HADHB: variants seen among roughly 807,000 people sequenced by gnomAD.
HADHB encodes hydroxyacyl-CoA dehydrogenase trifunctional multienzyme complex subunit beta.
HADHB carries 50 observed loss-of-function variants against 61.9 expected under a neutral mutation model. That is an observed-to-expected ratio of 0.81 (90% CI 0.64 to 1.02). The LOEUF (loss-of-function observed/expected upper bound fraction) is 1.02, where lower values mean the gene tolerates loss of function less well. HADHB is among the 50% of genes least tolerant of loss of function. The pLI is 0.00. For missense variants in HADHB, 504 were observed against 586.5 expected (o/e 0.86, Z 1.45); for synonymous variants, 191 against 201.6 (o/e 0.95, Z 0.45).
intron 9 of HADHB, among the ~76,000 whole-genome samples, chr2:26,279,638 A>G (rs1169424909): frequency 2.6e-5 from 4 of 152,114 alleles, no homozygotes; most frequent in Admixed American, 2.6e-4. Flanking sequence ...AAAAAAAAAA[A>G]AAAGAAAAAC....
At chr2:26,254,160 G>A in intron 1 of HADHB, 87 bp from the exon 2 acceptor site, 1 of 753,762 alleles carries the variant, frequency 1.3e-6, no homozygotes, top group Non-Finnish European at 2.4e-6. Context: ...AGTAGCCATG[G>A]ATGAGGTTAT....
At position 26,244,967 on chromosome 2, in the gene HADHB, G is replaced by C. The variant is rs1363638529; in HGVS notation, c.-32G>C. On this transcript the variant is annotated 5_prime_UTR_variant, in exon 1 of 16. Coordinates refer to ENST00000317799, the MANE Select transcript of HADHB (RefSeq NM_000183.3). ...TGGACCTGAACCTTGCTCCGAGAGGGAGTCCTCGCGGACGTCAGCCAAGGT... is the reference window on the plus strand; with the variant it reads ...TGGACCTGAACCTTGCTCCGAGAGGCAGTCCTCGCGGACGTCAGCCAAGGT... 3.5e-6 allele frequency: 1 copy of C among 289,648 alleles called. No individual in the cohort carries two copies. Among genetic ancestry groups the C allele is most frequent in the Non-Finnish European group, 6.9e-6 (1 of 145,026 alleles). 17.9% of individuals were successfully genotyped at this position (289,648 alleles called of 1,614,324 possible). A position where few individuals can be genotyped will look rare whatever the true frequency, so the allele number is the denominator to read the frequency against.
At chr2:26,263,684 T>TA (rs761912081) in intron 4 of HADHB, among the ~76,000 whole-genome samples, 6 of 152,224 alleles carry the variant, frequency 3.9e-5, no homozygotes, top group Non-Finnish European at 5.9e-5. Context: ...TGAATAAGTC[T>TA]AGCGTAGTTT....
chr2:26,288,658 G>A (rs779525331), intron 15 of HADHB, among the ~76,000 whole-genome samples: 15 of 151,992 alleles, frequency 9.9e-5, no homozygotes, highest in South Asian at 2.1e-4. Context: ...GCAGTGAGCC[G>A]TGTTCAGGCC....
Position 26,285,457 on chromosome 2 carries a change from C to T in HADHB, c.1275C>T (p.Ser425=). Residue 425 remains serine, a synonymous_variant, in exon 15 of 16, where the codon TCC becomes TCT. Transcript: ENST00000317799. ...EKFNNWGGSL[S]LGHPFGATGC... Reference sequence around the variant, plus strand: ...TTAATAACTGGGGTGGATCTCTGTCCCTGGGACACCCATTTGGAGCCACTG... The same window carrying T: ...TTAATAACTGGGGTGGATCTCTGTCTCTGGGACACCCATTTGGAGCCACTG... The T allele has an allele frequency of 6.2e-7, 1 of 1,613,470 alleles. No individual in the cohort carries two copies. The highest frequency in any genetic ancestry group is 1.1e-5 in the South Asian group (1 of 91,054).
chr2:26,246,978 CCT>C (rs1671193124), intron 1 of HADHB, among the ~76,000 whole-genome samples: 1 of 152,086 alleles, frequency 6.6e-6, no homozygotes, highest in East Asian at 1.9e-4. Flanking sequence ...GCGTGCGCGT[CCT>C]ATGTGGTTAA....
chr2:26,258,577 CA>C (rs1671732173), intron 3 of HADHB, among the ~76,000 whole-genome samples: 5 of 152,128 alleles, frequency 3.3e-5, no homozygotes, highest in Non-Finnish European at 5.9e-5. Context: ...GGGTCTGCGA[CA>C]GTGGCGAACA....
At chr2:26,245,084 C>T (rs960116242) in intron 1 of HADHB, 94 bp downstream of exon 1, 1 of 214,762 alleles carries the variant, frequency 4.7e-6, no homozygotes, top group Non-Finnish European at 9.7e-6. Context: ...CCCCGGCCCC[C>T]TCCCCTCCCT....
intron 1 of HADHB, among the ~76,000 whole-genome samples, chr2:26,247,221 C>G (rs1671201982): frequency 6.6e-6 from 1 of 152,162 alleles, no homozygotes; most frequent in Admixed American, 6.5e-5. Context: ...CAGGCTTACC[C>G]TAACCAACTC....
chr2:26,284,134 CA>C lies in HADHB; in HGVS notation c.1083del (p.Val362PhefsTer2). The stretch of plus-strand genomic sequence containing the variant: ...CTTTGCAGACCAACATATGCTACTC[CA>C]AAAGTTCTAGAAAAGGCAGGATTGA... ...QLLLGPTYAT[P>X]KVLEKAGLTM... On this transcript the variant is annotated frameshift_variant, in exon 13 of 16. Transcript: ENST00000317799. LOFTEE classifies it high-confidence loss of function. The C allele has an allele frequency of 6.3e-7, 1 of 1,591,982 alleles. No homozygotes were observed. Among genetic ancestry groups the C allele is most frequent in the Non-Finnish European group, 8.6e-7 (1 of 1,160,118 alleles).
chr2:26,257,774 C>T (rs531253845), intron 3 of HADHB, among the ~76,000 whole-genome samples: 1 of 152,030 alleles, frequency 6.6e-6, no homozygotes, highest in Non-Finnish European at 1.5e-5. Flanking sequence ...AATCCCAGCA[C>T]TTTGGGAGGC....
At chr2:26,256,955 T>C (rs1671636642) in intron 3 of HADHB, among the ~76,000 whole-genome samples, 2 of 152,168 alleles carry the variant, frequency 1.3e-5, no homozygotes, top group African/African-American at 4.8e-5. Context: ...TATGGTAGTT[T>C]TCTGCTGTGG....
intron 7 of HADHB, 72 bp downstream of exon 7, chr2:26,277,232 A>AAT: frequency 7.8e-6 from 4 of 515,440 alleles, no homozygotes; most frequent in Non-Finnish European, 9.5e-6. Context: ...ATAAAAATGT[A>AAT]CTTTTTTTTT....
chr2:26,278,257 A>T (rs984789937), intron 7 of HADHB, among the ~76,000 whole-genome samples: 21 of 152,378 alleles, frequency 1.4e-4, no homozygotes, highest in South Asian at 6.2e-4. Flanking sequence ...TTTGCAGCAG[A>T]AGTTAACATT....
intron 3 of HADHB, among the ~76,000 whole-genome samples, 166 bp from the exon 4 acceptor site, chr2:26,263,214 G>C (rs1226015392): frequency 6.6e-6 from 1 of 151,464 alleles, no homozygotes; most frequent in East Asian, 1.9e-4. Context: ...CAGGAGAATT[G>C]CTTGAATCCG....
intron 15 of HADHB, among the ~76,000 whole-genome samples, chr2:26,289,657 A>G (rs549856947): frequency 2.6e-5 from 4 of 152,218 alleles, no homozygotes; most frequent in East Asian, 3.9e-4. Context: ...ATGTGTGTGT[A>G]TATATATACA....
intron 10 of HADHB, among the ~76,000 whole-genome samples, 193 bp downstream of exon 10, chr2:26,280,308 C>A (rs191929019): frequency 6.6e-6 from 1 of 151,584 alleles, no homozygotes; most frequent in Non-Finnish European, 1.5e-5. Flanking sequence ...TCACCTAATC[C>A]AGCCACCATT....
At chr2:26,285,745 T>TTTTTTTTG (rs1673007336) in intron 15 of HADHB, among the ~76,000 whole-genome samples, 174 bp downstream of exon 15, 2 of 114,268 alleles carry the variant, frequency 1.8e-5, no homozygotes, top group South Asian at 5.9e-4. Flanking sequence ...TTGGGTTTTT[T>TTTTTTTTG]TTTTTTTTTT....
chr2:26,263,513 T>C lies in HADHB; in HGVS notation c.209+34T>C, dbSNP rs752664682. ...GACATGATCATATTATTTTTTTCCT[T>C]CTTTTAAGACACTTTCAAAAGTAGT... On this transcript the variant is annotated intron_variant, in intron 4 of 15. Transcript: ENST00000317799. 4 of 1,304,618 alleles carry C rather than the reference T, an allele frequency of 3.1e-6. No homozygotes were observed. The African/African-American group carries it at 4.3e-5, about 14-fold the overall frequency. 80.8% of individuals were successfully genotyped at this position (1,304,618 alleles called of 1,614,324 possible). A position where few individuals can be genotyped will look rare whatever the true frequency, so the allele number is the denominator to read the frequency against.
Sources: gnomAD v4.1 joint callset for allele counts (sites outside exome capture counted in the v4.1 genomes callset) on GRCh38, gnomAD v4.1.1 for gene constraint, MANE v1.5 for transcripts, NCBI Gene and HGNC (gene_info 2026-07-23, HGNC 2026-07-21) for gene names.